IRS1: variants seen among roughly 807,000 people sequenced by gnomAD.
The protein encoded by IRS1 is insulin receptor substrate 1.
IRS1 carries 34 observed loss-of-function variants against 65.6 expected under a neutral mutation model. The observed-to-expected ratio is 0.52, with a 90% confidence interval of 0.39 to 0.69. The LOEUF (loss-of-function observed/expected upper bound fraction) is 0.69, where lower values mean the gene tolerates loss of function less well. IRS1 is among the 30% of genes least tolerant of loss of function. The pLI is 0.00. For synonymous variants in IRS1, 699 were observed against 683.5 expected (o/e 1.02, Z -0.35); for missense variants, 1,641 against 1,720.2 (o/e 0.95, Z 0.81).
chr2:226,737,638 A>G (rs1332174783), intron 1 of IRS1, among the ~76,000 whole-genome samples: 1 of 152,202 alleles, frequency 6.6e-6, no homozygotes, highest in Non-Finnish European at 1.5e-5. Context: ...AATACATGGC[A>G]TGTGAAGTAG....
At chr2:226,756,211 T>C (rs1394853116) in intron 1 of IRS1, among the ~76,000 whole-genome samples, 1 of 152,208 alleles carries the variant, frequency 6.6e-6, no homozygotes, top group Non-Finnish European at 1.5e-5. Context: ...TATACCCGCA[T>C]GTCTAAGGTA....
chr2:226,764,419 C>T (rs900423179), intron 1 of IRS1, among the ~76,000 whole-genome samples: 2 of 151,980 alleles, frequency 1.3e-5, no homozygotes, highest in African/African-American at 2.4e-5. Context: ...TGGTGCTCAT[C>T]GTAGTCCAAG....
intron 1 of IRS1, among the ~76,000 whole-genome samples, chr2:226,774,244 T>C (rs1256007111): frequency 6.6e-6 from 1 of 152,216 alleles, no homozygotes; most frequent in African/African-American, 2.4e-5. Context: ...TTAAAAAGAC[T>C]ACTGGTAGAT....
rs555387883 is a variant in IRS1, at chr2:226,759,367, G to T, written c.*22-23117C>A. The stretch of plus-strand genomic sequence containing the variant: ...AATATAGTACCAGCACTTAATAAAG[G>T]GTCAAATAAGCTCTGGGTTCTTGAG... On this transcript the variant is annotated intron_variant, in intron 1 of 1. Coordinates refer to ENST00000305123, the MANE Select transcript of IRS1 (RefSeq NM_005544.3). Among the ~76,000 whole-genome samples, 5 of 152,284 alleles carry T rather than the reference G, an allele frequency of 3.3e-5. No homozygotes were observed. In the East Asian group the frequency reaches 9.6e-4, roughly 29 times the overall value.
intron 1 of IRS1, among the ~76,000 whole-genome samples, chr2:226,769,055 T>C (rs1370882898): frequency 6.6e-6 from 1 of 152,212 alleles, no homozygotes; most frequent in Non-Finnish European, 1.5e-5. Context: ...GTTCAATATG[T>C]TTTATGTAAC....
chr2:226,754,876 C>A (rs1446394722), intron 1 of IRS1, among the ~76,000 whole-genome samples: 1 of 152,002 alleles, frequency 6.6e-6, no homozygotes, highest in African/African-American at 2.4e-5. Context: ...ATTATAAAAG[C>A]ACGTTTTTAT....
rs1939686378 is a variant in IRS1 at position 226,795,212 on chromosome 2, C to T, written c.3527G>A (p.Gly1176Asp). The T allele has an allele frequency of 1.2e-6, 2 of 1,613,956 alleles. No individual in the cohort carries two copies. Among genetic ancestry groups the T allele is most frequent in the African/African-American group, 1.3e-5 (1 of 74,918 alleles). The change falls in exon 1 of 2, where the codon GGT (glycine) becomes GAT (aspartate). Residue 1176 changes from glycine to aspartate, a missense_variant. Physicochemically the swap from Gly to Asp is moderately conservative, Grantham distance 94. This residue lies in a region of IRS1 where 1,324 missense variants were observed against 1,361.0 expected (regional missense o/e 0.97). Transcript: ENST00000305123. ...LCGAAGGLENGLNYIDLDLVK... is the reference protein window; with the variant it reads ...LCGAAGGLENDLNYIDLDLVK... ...CAAATCCAGGTCTATGTAGTTAAGA[C>T]CATTCTCCAAACCCCCAGCAGCCCC... is the stretch of plus-strand genomic sequence containing the variant.
chr2:226,749,815 T>C (rs1938637801), intron 1 of IRS1, among the ~76,000 whole-genome samples: 1 of 152,176 alleles, frequency 6.6e-6, no homozygotes, highest in Non-Finnish European at 1.5e-5. Context: ...TGCCCTATTC[T>C]CATTTCTACA....
Position 226,797,757 on chromosome 2 carries a change from C to A in IRS1, c.982G>T (p.Ala328Ser), listed in dbSNP as rs768001552. 1.3e-5 allele frequency: 20 copies of A among 1,594,464 alleles called. No homozygotes were observed. The highest frequency in any genetic ancestry group is 1.6e-5 in the Non-Finnish European group (19 of 1,175,534). The change falls in exon 1 of 2, where the codon GCC becomes TCC. Residue 328 changes from alanine to serine, a missense_variant. This residue lies in a region of IRS1 where 1,324 missense variants were observed against 1,361.0 expected (regional missense o/e 0.97). Coordinates refer to ENST00000305123, the MANE Select transcript of IRS1 (RefSeq NM_005544.3). The surrounding 1 kb of genome is among the most constrained non-coding windows in gnomAD (Gnocchi z 8.1). ...ATGGTGCCTTCGCCGTCACTGGAGG[C>A]GCGGACACGGAAGGAGCCTGGCTTC... ...GGKPGSFRVR[A>S]SSDGEGTMSR... is the part of the protein sequence containing the mutation.
chr2:226,737,488 G>T (rs1207573004), intron 1 of IRS1, among the ~76,000 whole-genome samples: 2 of 152,162 alleles, frequency 1.3e-5, no homozygotes, highest in Admixed American at 1.3e-4. Flanking sequence ...GCATCAAAGG[G>T]TATTTAGCAG....
At chr2:226,787,473 T>C (rs73992220) in intron 1 of IRS1, among the ~76,000 whole-genome samples, 5,796 of 152,278 alleles carry the variant, frequency 0.038, 142 homozygotes, top group African/African-American at 0.07. Flanking sequence ...TGGTAACTCC[T>C]TTGGTGATCT....
rs753720955 is a variant in IRS1, at chr2:226,797,789, A to G, written c.950T>C (p.Val317Ala). 6.3e-7 allele frequency: 1 copy of G among 1,596,736 alleles called. No individual in the cohort carries two copies. Among genetic ancestry groups the G allele is most frequent in the South Asian group, 1.1e-5 (1 of 89,926 alleles). The change falls in exon 1 of 2, where the codon GTG becomes GCG. Residue 317 changes from valine (V) to alanine (A), a missense_variant. Val to Ala is a moderately conservative substitution (Grantham distance 64). Around this residue, in one of 3 missense-constraint regions of IRS1, gnomAD observed 1,324 missense variants for 1,361.0 expected, o/e 0.97. Coordinates refer to ENST00000305123, the MANE Select transcript of IRS1 (RefSeq NM_005544.3). This position sits in a 1 kb window ranked among gnomAD's most constrained non-coding sequence, Gnocchi z 8.1. ...ACGGAAGGAGCCTGGCTTCCCGCCC[A>G]CCATGCTGGCCGGGGAGGTGGCGGT... Reference protein sequence around the residue: ...SITATSPASMVGGKPGSFRVR... With the variant: ...SITATSPASMAGGKPGSFRVR...
At chr2:226,755,284 C>G (rs889382489) in intron 1 of IRS1, among the ~76,000 whole-genome samples, 4 of 152,338 alleles carry the variant, frequency 2.6e-5, no homozygotes, top group African/African-American at 2.4e-5. Flanking sequence ...ACAGCTGCAT[C>G]TCGCCTCCCA....
At chr2:226,768,982 G>A (rs1413995092) in intron 1 of IRS1, among the ~76,000 whole-genome samples, 1 of 152,186 alleles carries the variant, frequency 6.6e-6, no homozygotes, top group Non-Finnish European at 1.5e-5. Context: ...GACAGATGGT[G>A]CCTTCAGTGA....
At chr2:226,778,408 G>A (rs184626205) in intron 1 of IRS1, among the ~76,000 whole-genome samples, 233 of 152,098 alleles carry the variant, frequency 1.5e-3, no homozygotes, top group Non-Finnish European at 1.8e-3. Flanking sequence ...TGTGATGTAT[G>A]GATTTAACAG....
chr2:226,766,159 A>ATTTTTT (rs1433312154), intron 1 of IRS1, among the ~76,000 whole-genome samples: 2 of 5,764 alleles, frequency 3.5e-4, no homozygotes, highest in Non-Finnish European at 7.8e-4. Context: ...ATATATATAT[A>ATTTTTT]TATATTTTTT....
At chr2:226,787,283 T>C (rs1574659977) in intron 1 of IRS1, among the ~76,000 whole-genome samples, 1 of 152,140 alleles carries the variant, frequency 6.6e-6, no homozygotes, top group East Asian at 1.9e-4. Flanking sequence ...TCCTGATTAT[T>C]TAGTATGCTG....
chr2:226,780,574 A>G (rs1225279464), intron 1 of IRS1, among the ~76,000 whole-genome samples: 1 of 152,198 alleles, frequency 6.6e-6, no homozygotes, highest in African/African-American at 2.4e-5. Flanking sequence ...TAGTAGAATA[A>G]AAGTTGATGA....
intron 1 of IRS1, among the ~76,000 whole-genome samples, chr2:226,748,281 T>C (rs1938596269): frequency 6.6e-6 from 1 of 151,280 alleles, no homozygotes; most frequent in Admixed American, 6.6e-5. Flanking sequence ...ATACAAAAAT[T>C]TGTCAGGCAT....
Sources: gnomAD v4.1 joint callset for allele counts (sites outside exome capture counted in the v4.1 genomes callset) on GRCh38, gnomAD v4.1.1 for gene constraint, gnomAD v4.1.1 regional missense constraint, Gnocchi (gnomAD v3.1) non-coding constraint, MANE v1.5 for transcripts, NCBI Gene and HGNC (gene_info 2026-07-23, HGNC 2026-07-21) for gene names.